ZBBX: variants seen among roughly 807,000 people sequenced by gnomAD.
The protein encoded by ZBBX is zinc finger B-box domain containing, also known as zinc finger B-box domain-containing protein 1.
In ZBBX, 101 loss-of-function variants were observed where a neutral mutation model predicts 108.5. The ratio of observed to expected loss-of-function variants is 0.93; its 90% CI spans 0.79 to 1.10. The LOEUF (loss-of-function observed/expected upper bound fraction) is 1.10, where lower values mean the gene tolerates loss of function less well. Ranked by LOEUF, ZBBX falls within the 50% of genes least tolerant of loss-of-function variation. ZBBX has a pLI of 0.00. For missense variants in ZBBX, 1,009 were observed against 941.4 expected, an observed-to-expected ratio of 1.07 and a Z score of -0.94; for synonymous variants, 356 against 323.4, an observed-to-expected ratio of 1.10 and a Z score of -1.08.
At chr3:167,226,157 G>A in the ZBBX span, among the ~76,000 whole-genome samples, 139 of 150,188 alleles carry the variant, frequency 9.3e-4, no homozygotes, top group African/African-American at 3.3e-3. Context: ...TAATAACATC[G>A]ACAACAATAA....
At position 167,282,368 on chromosome 3, in the gene ZBBX, A is replaced by G; in HGVS notation, c.2124T>C (p.Ala708=). ...RSAAAQSSSR[A]ASEISEIEYI... ...ATTCAATTTCTGAAATTTCAGAAGC[A>G]GCTCTAGATGATGATTGAGCAGCTG... The change falls in exon 20 of 22, where the codon GCT becomes GCC. Residue 708 remains alanine, a synonymous_variant. Transcript: ENST00000675490. 1 of 1,614,166 alleles carries G rather than the reference A, an allele frequency of 6.2e-7. No individual in the cohort carries two copies. Among genetic ancestry groups the G allele is most frequent in the Non-Finnish European group, 8.5e-7 (1 of 1,180,024 alleles).
chr3:167,182,710 A>C, the ZBBX span, among the ~76,000 whole-genome samples: 1 of 152,240 alleles, frequency 6.6e-6, no homozygotes, highest in African/African-American at 2.4e-5. Flanking sequence ...ATAACTGAGC[A>C]GGAGTCAGGC....
At chr3:167,344,870 T>G (rs1404627613) in intron 9 of ZBBX, among the ~76,000 whole-genome samples, 2 of 151,794 alleles carry the variant, frequency 1.3e-5, no homozygotes, top group African/African-American at 2.4e-5. Flanking sequence ...GAGGTTACAC[T>G]TACCATAAGT....
At chr3:167,241,807 CT>C (rs1720727712) in intron 21 of ZBBX, among the ~76,000 whole-genome samples, 1 of 152,086 alleles carries the variant, frequency 6.6e-6, no homozygotes, top group South Asian at 2.1e-4. Context: ...TCCTGATTCC[CT>C]TTTTACTGCA....
chr3:167,382,430 T>C (rs1347714069), upstream of ZBBX, among the ~76,000 whole-genome samples: 2 of 152,294 alleles, frequency 1.3e-5, no homozygotes, highest in East Asian at 3.9e-4. Flanking sequence ...CACAACTATA[T>C]CAAGAGCACA....
intron 8 of ZBBX, 100 bp downstream of exon 8, chr3:167,359,770 T>C (rs952655240): frequency 4.2e-6 from 2 of 478,714 alleles, no homozygotes; most frequent in Non-Finnish European, 6.9e-6. Context: ...CCAAGCAAGT[T>C]AAGTTGGGAG....
chr3:167,377,226 TCAAAAC>T (rs1478340965), intron 2 of ZBBX, among the ~76,000 whole-genome samples: 1 of 152,080 alleles, frequency 6.6e-6, no homozygotes, highest in East Asian at 1.9e-4. Context: ...AACCCACACA[TCAAAAC>T]CTACTGCCAC....
chr3:167,358,818 C>T lies in ZBBX; in HGVS notation c.432+1052G>A, dbSNP rs528208701. The stretch of plus-strand genomic sequence containing the variant: ...GGGCGTGGTGACGCGTGCCTATAAT[C>T]CCAGCTACTTGGGAGGCTGAGGCAG... On this transcript the variant is annotated intron_variant, in intron 8 of 21. Transcript: ENST00000675490. Among the ~76,000 whole-genome samples the T allele has an allele frequency of 2.1e-3, 322 of 151,422 alleles. 1 individual carries two copies. The highest frequency in any genetic ancestry group is 3.3e-3 in the Non-Finnish European group (222 of 67,904).
At chr3:167,200,096 C>T in the ZBBX span, among the ~76,000 whole-genome samples, 1 of 151,998 alleles carries the variant, frequency 6.6e-6, no homozygotes, top group East Asian at 1.9e-4. Flanking sequence ...GTCTCTTCTT[C>T]TTGGGACATC....
the ZBBX span, among the ~76,000 whole-genome samples, chr3:167,218,827 A>T: frequency 6.6e-6 from 1 of 152,136 alleles, no homozygotes; most frequent in African/African-American, 2.4e-5. Flanking sequence ...ATCAAAAGAC[A>T]TGGAATAGCT....
intron 8 of ZBBX, among the ~76,000 whole-genome samples, chr3:167,359,057 C>A (rs1744090839): frequency 6.6e-6 from 1 of 151,192 alleles, no homozygotes; most frequent in African/African-American, 2.4e-5. Context: ...TTGAAACAAC[C>A]CAAATGTCAT....
chr3:167,311,133 A>G (rs1275626207), intron 16 of ZBBX, among the ~76,000 whole-genome samples: 1 of 152,236 alleles, frequency 6.6e-6, no homozygotes, highest in Non-Finnish European at 1.5e-5. Context: ...AACAGAATAG[A>G]GAATCCTGAG....
At chr3:167,267,842 G>A (rs1016189373) in intron 20 of ZBBX, among the ~76,000 whole-genome samples, 22 of 152,200 alleles carry the variant, frequency 1.4e-4, no homozygotes, top group African/African-American at 5.1e-4. Context: ...GGACTCCAGC[G>A]CATGGGATCC....
At chr3:167,280,586 T>G (rs1728618362) in intron 20 of ZBBX, among the ~76,000 whole-genome samples, 1 of 150,594 alleles carries the variant, frequency 6.6e-6, no homozygotes, top group Admixed American at 6.6e-5. Flanking sequence ...ATGGCAATCA[T>G]TAAAAAGTCA....
At chr3:167,249,421 A>T (rs988698580) in intron 20 of ZBBX, among the ~76,000 whole-genome samples, 15 of 152,230 alleles carry the variant, frequency 9.9e-5, no homozygotes, top group Admixed American at 9.2e-4. Context: ...CCAGCAGAGG[A>T]TCCAGCTACC....
At chr3:167,379,999 C>A (rs531612920) in intron 1 of ZBBX, among the ~76,000 whole-genome samples, 11 of 152,188 alleles carry the variant, frequency 7.2e-5, no homozygotes, top group Admixed American at 2.0e-4. Flanking sequence ...TTGGTGTATA[C>A]CAAAGGCTTT....
In ZBBX at chr3:167,305,856, TCTTTCAAAGGAGGTG is replaced by T. The variant is rs1560099800; in HGVS notation, c.1497_1511del (p.Ser499_Glu503del). On this transcript the variant is annotated inframe_deletion, in exon 17 of 22. Coordinates refer to ENST00000675490, the MANE Select transcript of ZBBX (RefSeq NM_001199201.2). ...AACCTATATTTTTCTCCTTTAAATT[TCTTTCAAAGGAGGTG>T]CTTTCCTCAATTTTTTCAATGTCAG... 5.0e-6 allele frequency: 8 copies of T among 1,610,686 alleles called. No homozygotes were observed. Among genetic ancestry groups the T allele is most frequent in the Non-Finnish European group, 6.8e-6 (8 of 1,178,402 alleles).
chr3:167,271,808 A>G (rs1197593457), intron 20 of ZBBX, among the ~76,000 whole-genome samples: 4 of 152,206 alleles, frequency 2.6e-5, no homozygotes, highest in Admixed American at 1.3e-4. Flanking sequence ...TTGCTCATCT[A>G]AAGTATTTGT....
At chr3:167,331,629 T>C (rs1474210382) in intron 10 of ZBBX, 1 of 985,218 alleles carries the variant, frequency 1.0e-6, no homozygotes, top group Non-Finnish European at 1.2e-6. Flanking sequence ...CTCTTAAACG[T>C]TTCAGCTCAA....
Sources: gnomAD v4.1 joint callset for allele counts (sites outside exome capture counted in the v4.1 genomes callset) on GRCh38, gnomAD v4.1.1 for gene constraint, MANE v1.5 for transcripts, NCBI Gene and HGNC (gene_info 2026-07-23, HGNC 2026-07-21) for gene names.